MB21D2: variants seen among roughly 807,000 people sequenced by gnomAD.
MB21D2 encodes the protein Mab-21 domain containing 2, also known as nucleotidyltransferase MB21D2.
MB21D2 carries 9 observed loss-of-function variants against 33.3 expected under a neutral mutation model. That is an observed-to-expected ratio of 0.27 (90% CI 0.16 to 0.47). The LOEUF (loss-of-function observed/expected upper bound fraction) is 0.47, where lower values mean the gene tolerates loss of function less well. Ranked by LOEUF, MB21D2 falls within the 20% of genes least tolerant of loss-of-function variation. The pLI is 0.99. For missense variants in MB21D2, 540 were observed against 624.6 expected, an observed-to-expected ratio of 0.86 and a Z score of 1.44; for synonymous variants, 241 against 236.3, an observed-to-expected ratio of 1.02 and a Z score of -0.18.
rs187158026 is a variant in MB21D2, at chr3:192,855,677, T to C, written c.212-56027A>G. Among the ~76,000 whole-genome samples the C allele has an allele frequency of 2.5e-3, 383 of 152,352 alleles. 3 individuals carry two copies. Among genetic ancestry groups the C allele is most frequent in the Non-Finnish European group, 4.2e-3 (288 of 68,022 alleles). ...GATTCAGTACTAGGTCTGTATACTCTAGAACCCATTCTCTTGATGACTAAC... is the reference window on the plus strand; with the variant it reads ...GATTCAGTACTAGGTCTGTATACTCCAGAACCCATTCTCTTGATGACTAAC... On this transcript the variant is annotated intron_variant, in intron 1 of 1. Coordinates refer to ENST00000392452, the MANE Select transcript of MB21D2 (RefSeq NM_178496.4).
intron 1 of MB21D2, among the ~76,000 whole-genome samples, chr3:192,878,906 G>A (rs1168297006): frequency 6.6e-6 from 1 of 152,222 alleles, no homozygotes; most frequent in African/African-American, 2.4e-5. Context: ...GGGGTTTGCA[G>A]TGAGTCAAGA....
At chr3:192,867,389 T>C (rs1176988408) in intron 1 of MB21D2, among the ~76,000 whole-genome samples, 1 of 152,130 alleles carries the variant, frequency 6.6e-6, no homozygotes, top group East Asian at 1.9e-4. Context: ...GTCAGTATCT[T>C]ATTTGCAAAG....
At chr3:192,889,212 G>A (rs1396441883) in intron 1 of MB21D2, among the ~76,000 whole-genome samples, 4 of 152,078 alleles carry the variant, frequency 2.6e-5, no homozygotes, top group African/African-American at 9.7e-5. Flanking sequence ...AAGGGTTAAG[G>A]AGTTCTCTAT....
intron 1 of MB21D2, among the ~76,000 whole-genome samples, chr3:192,830,535 C>T (rs932904176): frequency 7.9e-5 from 12 of 152,188 alleles, no homozygotes; most frequent in Non-Finnish European, 1.8e-4. Context: ...CCCCTTTCTG[C>T]AAACCAACTT....
intron 1 of MB21D2, among the ~76,000 whole-genome samples, chr3:192,907,668 T>C (rs1288711188): frequency 6.6e-6 from 1 of 152,198 alleles, no homozygotes; most frequent in Admixed American, 6.5e-5. Flanking sequence ...ATGTGAATAT[T>C]TATTGTCATC....
chr3:192,823,654 TAAA>T (rs1039179487), intron 1 of MB21D2, among the ~76,000 whole-genome samples: 2 of 150,944 alleles, frequency 1.3e-5, no homozygotes, highest in South Asian at 2.1e-4. Flanking sequence ...GAACTCCATT[TAAA>T]AAAAAACACC....
intron 1 of MB21D2, among the ~76,000 whole-genome samples, chr3:192,815,843 A>G (rs1297563446): frequency 6.6e-6 from 1 of 152,078 alleles, no homozygotes; most frequent in African/African-American, 2.4e-5. Context: ...ATAGGGATGG[A>G]TTTTTGTCCT....
In MB21D2 at chr3:192,866,386, C is replaced by T. The variant is rs558290898; in HGVS notation, c.211+51244G>A. Among the ~76,000 whole-genome samples, 73 of 152,296 alleles carry T rather than the reference C, an allele frequency of 4.8e-4. 1 individual carries two copies. The highest frequency in any genetic ancestry group is 3.9e-4 in the East Asian group (2 of 5,186). On this transcript the variant is annotated intron_variant, in intron 1 of 1. Coordinates refer to ENST00000392452, the MANE Select transcript of MB21D2 (RefSeq NM_178496.4). ...AAACAAAAGAACATCAATTAGATTGCGTCTTCTGGTTAGATCTCTCTTTCT... is the reference window on the plus strand; with the variant it reads ...AAACAAAAGAACATCAATTAGATTGTGTCTTCTGGTTAGATCTCTCTTTCT...
At chr3:192,882,408 T>C (rs1713619025) in intron 1 of MB21D2, among the ~76,000 whole-genome samples, 1 of 151,820 alleles carries the variant, frequency 6.6e-6, no homozygotes, top group Non-Finnish European at 1.5e-5. Context: ...TGAATGAACG[T>C]ATATGCTCCT....
chr3:192,797,278 G>A lies in MB21D2; in HGVS notation c.*1108C>T, dbSNP rs1577163900. 2 of 152,576 alleles carry A rather than the reference G, an allele frequency of 1.3e-5. No homozygotes were observed. The highest frequency in any genetic ancestry group is 2.9e-5 in the Non-Finnish European group (2 of 68,032). The allele number at this position is 152,576 out of a possible 1,614,324, so 9.5% of individuals were successfully genotyped here. On this transcript the variant is annotated 3_prime_UTR_variant, in exon 2 of 2. Transcript: ENST00000392452. ...TGGGGATTATAAGTTCTTCCTGCCA[G>A]TTTTTCTCAAAACTCTCAGGAAGAG...
chr3:192,915,462 C>T (rs1714442163), intron 1 of MB21D2, among the ~76,000 whole-genome samples: 1 of 152,138 alleles, frequency 6.6e-6, no homozygotes, highest in African/African-American at 2.4e-5. Flanking sequence ...AATGCAGCAC[C>T]ACACACAGGC....
chr3:192,868,240 C>G (rs1375906443), intron 1 of MB21D2, among the ~76,000 whole-genome samples: 1 of 152,170 alleles, frequency 6.6e-6, no homozygotes, highest in Non-Finnish European at 1.5e-5. Flanking sequence ...GCAGTCATAT[C>G]CAAAAGATAG....
At chr3:192,878,052 G>A (rs943784907) in intron 1 of MB21D2, among the ~76,000 whole-genome samples, 13 of 147,672 alleles carry the variant, frequency 8.8e-5, no homozygotes, top group East Asian at 3.9e-4. Flanking sequence ...GGAACGGCCC[G>A]TACGAAACAT....
chr3:192,824,525 A>G (rs1560231561), intron 1 of MB21D2, among the ~76,000 whole-genome samples: 2 of 133,968 alleles, frequency 1.5e-5, no homozygotes, highest in African/African-American at 5.3e-5. Flanking sequence ...ATAAATAAAT[A>G]AATAAAGTTT....
intron 1 of MB21D2, among the ~76,000 whole-genome samples, chr3:192,849,995 G>A (rs941572775): frequency 2.0e-5 from 3 of 150,160 alleles, no homozygotes; most frequent in Admixed American, 6.7e-5. Flanking sequence ...CTTGGCTCAC[G>A]GCAACCTTTG....
chr3:192,876,289 C>T (rs1051126344), intron 1 of MB21D2, among the ~76,000 whole-genome samples: 4 of 152,214 alleles, frequency 2.6e-5, no homozygotes, highest in Admixed American at 2.0e-4. Context: ...GCACCCAAGA[C>T]AGAAACATGG....
chr3:192,908,654 G>A (rs76149892), intron 1 of MB21D2, among the ~76,000 whole-genome samples: 2 of 151,490 alleles, frequency 1.3e-5, no homozygotes, highest in Admixed American at 6.6e-5. Flanking sequence ...TCCTGACCTC[G>A]TGATCCGCCC....
At chr3:192,805,829 A>G (rs1711650017) in intron 1 of MB21D2, among the ~76,000 whole-genome samples, 1 of 152,254 alleles carries the variant, frequency 6.6e-6, no homozygotes, top group Non-Finnish European at 1.5e-5. Flanking sequence ...TATTTAGCTC[A>G]TGTTCCCCAT....
chr3:192,836,968 TACAAAACA>T (rs1712454821), intron 1 of MB21D2, among the ~76,000 whole-genome samples: 1 of 152,108 alleles, frequency 6.6e-6, no homozygotes, highest in African/African-American at 2.4e-5. Context: ...ATGCAGATGA[TACAAAACA>T]CCAAAACACT....
Sources: gnomAD v4.1 joint callset for allele counts (sites outside exome capture counted in the v4.1 genomes callset) on GRCh38, gnomAD v4.1.1 for gene constraint, MANE v1.5 for transcripts, NCBI Gene and HGNC (gene_info 2026-07-23, HGNC 2026-07-21) for gene names.